The following KATNAL2 variants were observed in gnomAD, a reference collection of about 807,000 sequenced individuals.
The protein encoded by KATNAL2 is katanin catalytic subunit A1 like 2, also known as katanin p60 ATPase-containing subunit A-like 2.
A neutral mutation model predicts 76.3 loss-of-function variants in KATNAL2; 52 were observed. The observed-to-expected ratio is 0.68, with a 90% CI of 0.55 to 0.86. KATNAL2 has a LOEUF of 0.86. Ranked by LOEUF, KATNAL2 falls within the 40% of genes least tolerant of loss-of-function variation. The probability of loss-of-function intolerance (pLI) is 0.00; values close to 1 mark genes in which losing one functional copy is unlikely to be tolerated. For missense variants in KATNAL2, 660 were observed against 668.9 expected (o/e 0.99, Z 0.15); for synonymous variants, 243 against 244.2 (o/e 1.00, Z 0.05).
At chr18:47,074,845 T>C (rs1027485801) in intron 13 of KATNAL2, among the ~76,000 whole-genome samples, 6 of 152,202 alleles carry the variant, frequency 3.9e-5, no homozygotes, top group African/African-American at 1.2e-4. Flanking sequence ...CCTGAAATCC[T>C]TTCTTCTGAG....
rs543452093 is a variant in KATNAL2, at chr18:47,051,353, C to T, written c.123-1527C>T. 2.6e-5 allele frequency among the ~76,000 whole-genome samples: 4 copies of T among 151,904 alleles called. No homozygotes were observed. In the South Asian group the frequency reaches 8.3e-4, roughly 32 times the overall value. On this transcript the variant is annotated intron_variant, in intron 4 of 17. Transcript: ENST00000683218. ...GGCTGAGGTGGGAGGATTGTTTGAG[C>T]CCAGGAGTTCCAGGCTGCAGTGAGC...
At chr18:47,062,924 G>A (rs1364141182) in intron 8 of KATNAL2, 48 bp from the exon 9 acceptor site, 1 of 1,446,450 alleles carries the variant, frequency 6.9e-7, no homozygotes, top group Non-Finnish European at 9.7e-7. Context: ...ATTAAGAAGA[G>A]TCTTCTCTTA....
At chr18:47,056,438 C>A (rs1019083995) in intron 6 of KATNAL2, among the ~76,000 whole-genome samples, 3 of 152,170 alleles carry the variant, frequency 2.0e-5, no homozygotes, top group Non-Finnish European at 4.4e-5. Context: ...ATGACTAGAG[C>A]AACTGCAGAT....
intron 15 of KATNAL2, among the ~76,000 whole-genome samples, chr18:47,080,180 TTG>T (rs1167253580): frequency 6.6e-6 from 1 of 152,214 alleles, no homozygotes; most frequent in Non-Finnish European, 1.5e-5. Flanking sequence ...TGATTTTTAG[TTG>T]TGAGTTGATG....
chr18:46,932,316 A>G (rs2058951949), intron 1 of KATNAL2, among the ~76,000 whole-genome samples: 1 of 152,210 alleles, frequency 6.6e-6, no homozygotes, highest in Non-Finnish European at 1.5e-5. Context: ...ATAAAAGAAT[A>G]AATAGTTTCC....
At chr18:47,039,657 A>G (rs968082574) in intron 3 of KATNAL2, among the ~76,000 whole-genome samples, 7 of 152,226 alleles carry the variant, frequency 4.6e-5, no homozygotes, top group Non-Finnish European at 8.8e-5. Context: ...ACTGAGGAGC[A>G]CACAGAACAC....
At chr18:47,031,970 T>G (rs898241846) in intron 3 of KATNAL2, among the ~76,000 whole-genome samples, 4 of 152,158 alleles carry the variant, frequency 2.6e-5, no homozygotes, top group African/African-American at 7.2e-5. Context: ...TGCTTTATAA[T>G]GAAAAGTTTT....
Position 47,100,991 on chromosome 18 carries a change from T to A in KATNAL2, c.1603T>A (p.Phe535Ile). 6.2e-7 allele frequency: 1 copy of A among 1,613,744 alleles called. No homozygotes were observed. Among genetic ancestry groups the A allele is most frequent in the Non-Finnish European group, 8.5e-7 (1 of 1,179,852 alleles). Residue 535 changes from phenylalanine to isoleucine, a missense_variant, in exon 18 of 18, where the codon TTC (phenylalanine) becomes ATC (isoleucine). Physicochemically the swap from Phe to Ile is conservative, Grantham distance 21. Coordinates refer to ENST00000683218, the MANE Select transcript of KATNAL2 (RefSeq NM_001387690.1). ...GAGATACTCAGACTGGCAAAGAGAG[T>A]TCGAGTCTGTCTGAAACCACATTTA... The part of the protein sequence containing the change: ...AQRYSDWQRE[F>I]ESV
At chr18:46,934,855 C>G (rs1421710706) in intron 1 of KATNAL2, among the ~76,000 whole-genome samples, 1 of 152,148 alleles carries the variant, frequency 6.6e-6, no homozygotes, top group Non-Finnish European at 1.5e-5. Flanking sequence ...CCAGTTTCAG[C>G]TTTCTACATA....
At chr18:46,919,876 A>G (rs2058434568) in intron 1 of KATNAL2, among the ~76,000 whole-genome samples, 1 of 152,130 alleles carries the variant, frequency 6.6e-6, no homozygotes, top group Admixed American at 6.5e-5. Flanking sequence ...CTTGATTTAC[A>G]CCTCAGTAGA....
intron 8 of KATNAL2, among the ~76,000 whole-genome samples, chr18:47,060,480 T>G (rs1179660660): frequency 2.0e-5 from 3 of 152,318 alleles, no homozygotes; most frequent in Admixed American, 2.0e-4. Context: ...ATGTCTAGAT[T>G]TCTAAATAAT....
intron 1 of KATNAL2, among the ~76,000 whole-genome samples, chr18:46,924,115 A>G (rs1017731469): frequency 6.6e-6 from 1 of 152,234 alleles, no homozygotes; most frequent in African/African-American, 2.4e-5. Flanking sequence ...TTTTGTTGCC[A>G]TTGCTTTTGG....
chr18:47,081,720 A>G (rs1346852011), intron 15 of KATNAL2, among the ~76,000 whole-genome samples: 2 of 152,160 alleles, frequency 1.3e-5, no homozygotes, highest in Admixed American at 1.3e-4. Context: ...CCCTACTGTT[A>G]GGTGTGGTCA....
chr18:46,933,457 C>A lies in KATNAL2; in HGVS notation c.-509-12600C>A, dbSNP rs541740916. Among the ~76,000 whole-genome samples, 3 of 152,024 alleles carry A rather than the reference C, an allele frequency of 2.0e-5. No individual in the cohort carries two copies. The South Asian group carries it at 6.2e-4, about 32-fold the overall frequency. On this transcript the variant is annotated intron_variant, in intron 1 of 17. Coordinates refer to ENST00000683218, the MANE Select transcript of KATNAL2 (RefSeq NM_001387690.1). Reference sequence around the variant, plus strand: ...TGAGGCCCCATAGGGTAAAAATAAACCAGAGGTAGGTCAGCACTTCCACAA... The same window carrying A: ...TGAGGCCCCATAGGGTAAAAATAAAACAGAGGTAGGTCAGCACTTCCACAA...
Position 47,071,563 on chromosome 18 carries a change from C to A in KATNAL2, c.1008+1963C>A, listed in dbSNP as rs113349265. Among the ~76,000 whole-genome samples, 686 of 151,762 alleles carry A rather than the reference C, an allele frequency of 4.5e-3. 3 individuals are homozygous for A. The highest frequency in any genetic ancestry group is 0.016 in the African/African-American group (645 of 41,372). ...TAGCAACAAAACTCTTAAAAGATAC[C>A]ACCCAGAATTAGTTTAGGTTCATCT... On this transcript the variant is annotated intron_variant, in intron 13 of 17. Coordinates refer to ENST00000683218, the MANE Select transcript of KATNAL2 (RefSeq NM_001387690.1).
At position 47,095,536 on chromosome 18, in the gene KATNAL2, CTG is replaced by C. The variant is rs1456857372; in HGVS notation, c.1212-3704_1212-3703del. On this transcript the variant is annotated intron_variant, in intron 15 of 17. Coordinates refer to ENST00000683218, the MANE Select transcript of KATNAL2 (RefSeq NM_001387690.1). ...GTCAGTTTCTTGAGGCCATGTGGAA[CTG>C]TGAGTCAATTAAACCCCTTTCCTTT... Among the ~76,000 whole-genome samples the C allele has an allele frequency of 2.6e-5, 4 of 152,328 alleles. No homozygotes were observed. The East Asian group carries it at 7.7e-4, about 29-fold the overall frequency.
intron 1 of KATNAL2, among the ~76,000 whole-genome samples, chr18:46,931,360 A>C (rs1217489951): frequency 6.6e-6 from 1 of 151,718 alleles, no homozygotes; most frequent in Non-Finnish European, 1.5e-5. Context: ...TAGAATTCAA[A>C]ATTTAAAAAG....
At position 47,055,168 on chromosome 18, in the gene KATNAL2, G is replaced by A. The variant is rs8082942; in HGVS notation, c.332+730G>A. Reference sequence around the variant, plus strand: ...TCCCATAGACCCCTCCACTGTCAGAGCTGTTCAGAAATACCCAGGGGAACA... The same window carrying A: ...TCCCATAGACCCCTCCACTGTCAGAACTGTTCAGAAATACCCAGGGGAACA... On this transcript the variant is annotated intron_variant, in intron 6 of 17. Coordinates refer to ENST00000683218, the MANE Select transcript of KATNAL2 (RefSeq NM_001387690.1). 9.6e-3 allele frequency among the ~76,000 whole-genome samples: 1,467 copies of A among 152,286 alleles called. 22 individuals are homozygous for A. Among genetic ancestry groups the A allele is most frequent in the African/African-American group, 0.032 (1,336 of 41,534 alleles).
intron 1 of KATNAL2, among the ~76,000 whole-genome samples, chr18:46,921,736 A>G (rs2058558008): frequency 6.6e-6 from 1 of 152,210 alleles, no homozygotes; most frequent in South Asian, 2.1e-4. Flanking sequence ...ATTAAGAACC[A>G]TATGATATAT....
Sources: allele counts gnomAD v4.1 joint callset (sites outside exome capture counted in the v4.1 genomes callset), GRCh38; gene constraint gnomAD v4.1.1; transcripts MANE v1.5; gene names NCBI Gene and HGNC (gene_info 2026-07-23, HGNC 2026-07-21).